Variants in SVOP observed in about 807,000 individuals in gnomAD.
SVOP encodes SV2 related protein.
A neutral mutation model predicts 69.1 loss-of-function variants in SVOP; 17 were observed. That is an observed-to-expected ratio of 0.25 (90% CI 0.17 to 0.37). The LOEUF is 0.37. SVOP is among the 10% of genes least tolerant of loss of function. SVOP has a pLI of 1.00. For synonymous variants in SVOP, 238 were observed against 238.6 expected (o/e 1.00, Z 0.02); for missense variants, 435 against 597.5 (o/e 0.73, Z 2.84).
chr12:108,977,450 T>C lies in SVOP; in HGVS notation c.329A>G (p.Gln110Arg). The C allele has an allele frequency of 6.5e-7, 1 of 1,537,212 alleles. No homozygotes were observed. Among genetic ancestry groups the C allele is most frequent in the Non-Finnish European group, 8.7e-7 (1 of 1,146,864 alleles). The part of the protein sequence containing the change: ...EMMILSILAP[Q>R]LHCEWRLPSW... ...TGGGAGCCTCCACTCGCAATGCAGC[T>C]GTGGTGCCAGGATGCTGAGGATCAT... Residue 110 changes from glutamine to arginine, a missense_variant, in exon 4 of 16, where the codon CAG becomes CGG. Gln to Arg is a conservative substitution (Grantham distance 43). Transcript: ENST00000610966.
intron 11 of SVOP, among the ~76,000 whole-genome samples, chr12:108,927,651 T>A (rs1369801455): frequency 6.6e-6 from 1 of 151,312 alleles, no homozygotes; most frequent in Non-Finnish European, 1.5e-5. Flanking sequence ...AGCAGGATTG[T>A]GCAGTGGCAC....
intron 1 of SVOP, among the ~76,000 whole-genome samples, chr12:108,996,021 C>T (rs931224019): frequency 1.3e-5 from 2 of 152,006 alleles, no homozygotes; most frequent in Non-Finnish European, 2.9e-5. Context: ...CACACACACA[C>T]GCTGATCTGT....
intron 1 of SVOP, among the ~76,000 whole-genome samples, chr12:108,987,693 G>A (rs1418420807): frequency 6.6e-6 from 1 of 152,110 alleles, no homozygotes; most frequent in African/African-American, 2.4e-5. Context: ...CCCTAATGTT[G>A]AGCAACTTAT....
intron 6 of SVOP, among the ~76,000 whole-genome samples, chr12:108,948,403 G>A (rs2039936449): frequency 6.6e-6 from 1 of 152,182 alleles, no homozygotes; most frequent in Non-Finnish European, 1.5e-5. Context: ...CTGAGATTTA[G>A]ACAAAGTTCT....
chr12:108,991,856 G>C (rs903591229), intron 1 of SVOP, among the ~76,000 whole-genome samples: 16 of 152,154 alleles, frequency 1.1e-4, no homozygotes, highest in Non-Finnish European at 2.2e-4. Context: ...TGAGGCAGGA[G>C]GGTCTCTTGA....
At chr12:108,918,951 C>A (rs2039731098) in intron 13 of SVOP, among the ~76,000 whole-genome samples, 1 of 152,100 alleles carries the variant, frequency 6.6e-6, no homozygotes, top group South Asian at 2.1e-4. Context: ...CTAATGAACA[C>A]CTACACCTTT....
At chr12:108,948,743 C>CA (rs2039938354) in intron 6 of SVOP, among the ~76,000 whole-genome samples, 2 of 152,116 alleles carry the variant, frequency 1.3e-5, no homozygotes, top group African/African-American at 2.4e-5. Flanking sequence ...AGTGGTTCTC[C>CA]AAAAAGTTGT....
At chr12:108,925,565 C>T (rs2039775440) in intron 11 of SVOP, among the ~76,000 whole-genome samples, 1 of 152,208 alleles carries the variant, frequency 6.6e-6, no homozygotes, top group Non-Finnish European at 1.5e-5. Flanking sequence ...TCTGCAATGA[C>T]CTCCCATGAC....
At chr12:109,002,043 T>C (rs1413574049) in intron 1 of SVOP, among the ~76,000 whole-genome samples, 5 of 136,648 alleles carry the variant, frequency 3.7e-5, no homozygotes, top group African/African-American at 1.4e-4. Context: ...TGGGAGAAAA[T>C]TTTTGCAACC....
intron 11 of SVOP, among the ~76,000 whole-genome samples, chr12:108,927,984 C>T (rs1378237433): frequency 1.3e-5 from 2 of 151,670 alleles, no homozygotes; most frequent in African/African-American, 2.4e-5. Flanking sequence ...TGGCTCACTG[C>T]AACCTCCGCC....
chr12:108,941,660 A>T (rs1189365962), intron 7 of SVOP, among the ~76,000 whole-genome samples: 2 of 144,398 alleles, frequency 1.4e-5, no homozygotes, highest in Non-Finnish European at 1.5e-5. Flanking sequence ...GTCTGTGCCC[A>T]TTTTTTTTTT....
chr12:108,915,937 A>G (rs1380254220), intron 14 of SVOP, 65 bp from the exon 15 acceptor site: 1 of 1,448,842 alleles, frequency 6.9e-7, no homozygotes, highest in Admixed American at 2.3e-5. Flanking sequence ...TCCAGCTCCA[A>G]GCTGATAGGA....
At chr12:108,915,997 T>C (rs1469239184) in intron 14 of SVOP, 125 bp from the exon 15 acceptor site, 1 of 869,220 alleles carries the variant, frequency 1.2e-6, no homozygotes. Flanking sequence ...CCAGTGCTGG[T>C]GACGCCCTTA....
chr12:108,975,990 C>T (rs184408950), intron 4 of SVOP, among the ~76,000 whole-genome samples: 6 of 152,154 alleles, frequency 3.9e-5, no homozygotes, highest in Admixed American at 1.3e-4. Flanking sequence ...TGTCAGCTAC[C>T]GTGACCAGCC....
intron 1 of SVOP, among the ~76,000 whole-genome samples, chr12:108,997,916 A>G (rs1461070759): frequency 6.7e-6 from 1 of 149,846 alleles, no homozygotes; most frequent in Admixed American, 6.7e-5. Flanking sequence ...CTCCTCCTCC[A>G]AAGGAACGCA....
intron 11 of SVOP, 57 bp downstream of exon 11, chr12:108,934,138 G>C: frequency 6.9e-7 from 1 of 1,459,358 alleles, no homozygotes; most frequent in South Asian, 1.2e-5. Context: ...GTGCATGACT[G>C]TGTATGTGCC....
chr12:108,936,310 G>A (rs954047208), intron 10 of SVOP, among the ~76,000 whole-genome samples: 3 of 152,202 alleles, frequency 2.0e-5, no homozygotes, highest in African/African-American at 7.2e-5. Context: ...CTCCCACAGT[G>A]CTGGGATTAC....
At chr12:108,938,170 T>C (rs2039867611) in intron 9 of SVOP, among the ~76,000 whole-genome samples, 1 of 152,242 alleles carries the variant, frequency 6.6e-6, no homozygotes, top group African/African-American at 2.4e-5. Flanking sequence ...GAAATATAAC[T>C]TTATTTTAAA....
At chr12:108,951,751 G>A (rs1332826991) in intron 6 of SVOP, among the ~76,000 whole-genome samples, 1 of 152,236 alleles carries the variant, frequency 6.6e-6, no homozygotes, top group Non-Finnish European at 1.5e-5. Flanking sequence ...TGTTCAACAT[G>A]GTAAGGGCTT....
Sources: allele counts gnomAD v4.1 joint callset (sites outside exome capture counted in the v4.1 genomes callset), GRCh38; gene constraint gnomAD v4.1.1; transcripts MANE v1.5; gene names NCBI Gene and HGNC (gene_info 2026-07-23, HGNC 2026-07-21).